RAB2A: variants seen among roughly 807,000 people sequenced by gnomAD.
The protein encoded by RAB2A is RAB2A, member RAS oncogene family, also known as ras-related protein Rab-2A.
RAB2A carries 7 observed loss-of-function variants against 32.5 expected under a neutral mutation model. The observed-to-expected ratio is 0.22, with a 90% CI of 0.12 to 0.40. The LOEUF is 0.40. Ranked by LOEUF, RAB2A falls within the 10% of genes least tolerant of loss-of-function variation. The pLI is 1.00. For missense variants in RAB2A, 108 were observed against 260.7 expected (o/e 0.41, Z 4.03); for synonymous variants, 79 against 85.2 (o/e 0.93, Z 0.40).
At chr8:60,618,692 C>T in intron 7 of RAB2A, 44 bp downstream of exon 7, 2 of 770,894 alleles carry the variant, frequency 2.6e-6, no homozygotes, top group Non-Finnish European at 3.6e-6. Flanking sequence ...ATTTAGAGTT[C>T]ACTTTTGATT....
chr8:60,569,771 T>A (rs1022149736), intron 2 of RAB2A, among the ~76,000 whole-genome samples: 6 of 152,178 alleles, frequency 3.9e-5, no homozygotes, highest in Non-Finnish European at 8.8e-5. Flanking sequence ...TCTCAGCCTC[T>A]CGAATTGTGG....
At chr8:60,614,166 C>T (rs191894435) in intron 6 of RAB2A, among the ~76,000 whole-genome samples, 11 of 151,808 alleles carry the variant, frequency 7.2e-5, no homozygotes, top group African/African-American at 2.4e-4. Context: ...CCTGCATTCT[C>T]TCCAGTCTAT....
chr8:60,583,552 G>A (rs1223504306), intron 3 of RAB2A, among the ~76,000 whole-genome samples: 1 of 152,190 alleles, frequency 6.6e-6, no homozygotes, highest in Admixed American at 6.5e-5. Context: ...AATTGATTAA[G>A]TGTGGAGAAA....
In RAB2A at chr8:60,530,134, AT is replaced by A. The variant is rs755680882; in HGVS notation, c.46+12890del. Among the ~76,000 whole-genome samples, 9 of 124,358 alleles carry A rather than the reference AT, an allele frequency of 7.2e-5. No individual in the cohort carries two copies. In the South Asian group the frequency reaches 7.5e-4, roughly 10 times the overall value. 81.6% of individuals were successfully genotyped at this position (124,358 alleles called of 152,430 possible). A position where few individuals can be genotyped will look rare whatever the true frequency, so the allele number is the denominator to read the frequency against. ...AGGCACATGCCACCACACCTGGCTA[AT>A]TTTTTTTTCTTTTTTTTTTTTTTTT... On this transcript the variant is annotated intron_variant, in intron 1 of 7. Transcript: ENST00000262646.
At chr8:60,600,792 A>G (rs1251048721) in intron 6 of RAB2A, among the ~76,000 whole-genome samples, 1 of 152,248 alleles carries the variant, frequency 6.6e-6, no homozygotes, top group African/African-American at 2.4e-5. Context: ...GGAGAGAACT[A>G]TGCTTAGTGA....
chr8:60,613,636 T>A (rs1441134262), intron 6 of RAB2A, among the ~76,000 whole-genome samples: 1 of 152,174 alleles, frequency 6.6e-6, no homozygotes, highest in Non-Finnish European at 1.5e-5. Flanking sequence ...CCCTCAGTAA[T>A]TCTGTTCATT....
intron 3 of RAB2A, among the ~76,000 whole-genome samples, chr8:60,582,351 C>T (rs1803774948): frequency 6.6e-6 from 1 of 152,110 alleles, no homozygotes; most frequent in Non-Finnish European, 1.5e-5. Flanking sequence ...GCCAAAATTG[C>T]CTACCCAAGA....
chr8:60,524,454 T>A (rs1807348476), intron 1 of RAB2A, among the ~76,000 whole-genome samples: 1 of 152,242 alleles, frequency 6.6e-6, no homozygotes, highest in Non-Finnish European at 1.5e-5. Flanking sequence ...TGCAGACCTC[T>A]CTTGTCCCTC....
chr8:60,543,721 G>A (rs940061617), intron 1 of RAB2A, among the ~76,000 whole-genome samples: 42 of 152,064 alleles, frequency 2.8e-4, no homozygotes, highest in Admixed American at 1.3e-4. Context: ...AATGTACGGC[G>A]AACCAACAGC....
chr8:60,560,493 A>G (rs769775430), intron 2 of RAB2A, among the ~76,000 whole-genome samples: 5 of 152,226 alleles, frequency 3.3e-5, no homozygotes, highest in East Asian at 3.8e-4. Context: ...GACAACTGGC[A>G]AAACAGTTGT....
intron 3 of RAB2A, 182 bp from the exon 4 acceptor site, chr8:60,584,026 A>T: frequency 1.9e-6 from 1 of 525,024 alleles, no homozygotes; most frequent in South Asian, 2.1e-5. Context: ...CGTCTCGTTG[A>T]CTTGAGCAAT....
rs373226742 is a variant in RAB2A, at chr8:60,517,216, C to T, written c.9C>T (p.Tyr3=). ...ACTGAGCGGCCGCGGCCATGGCGTA[C>T]GCCTATCTCTTCAAGTACATCATAA... MA[Y]AYLFKYIIIG... is the part of the protein sequence containing the mutation. The change falls in exon 1 of 8, where the codon TAC becomes TAT. Residue 3 remains tyrosine (Y), a synonymous_variant. Transcript: ENST00000262646. 4.2e-5 allele frequency: 63 copies of T among 1,490,268 alleles called. No homozygotes were observed. The highest frequency in any genetic ancestry group is 5.3e-5 in the Non-Finnish European group (59 of 1,119,006). The allele number at this position is 1,490,268 out of a possible 1,614,324, so 92.3% of individuals were successfully genotyped here.
intron 3 of RAB2A, among the ~76,000 whole-genome samples, chr8:60,579,682 C>T (rs1039257801): frequency 6.6e-6 from 1 of 151,694 alleles, no homozygotes; most frequent in Non-Finnish European, 1.5e-5. Flanking sequence ...GGCTGGAGTG[C>T]GGTGGCGCAG....
At chr8:60,542,149 G>T (rs940966543) in intron 1 of RAB2A, among the ~76,000 whole-genome samples, 2 of 152,132 alleles carry the variant, frequency 1.3e-5, no homozygotes, top group African/African-American at 2.4e-5. Context: ...CTTCCTAGAG[G>T]ATATGACACT....
At chr8:60,604,588 T>C (rs1193112611) in intron 6 of RAB2A, among the ~76,000 whole-genome samples, 1 of 152,156 alleles carries the variant, frequency 6.6e-6, no homozygotes, top group Admixed American at 6.5e-5. Context: ...TAGAAAATTA[T>C]TGGGGACTGG....
intron 6 of RAB2A, among the ~76,000 whole-genome samples, chr8:60,608,413 C>A (rs1349666459): frequency 6.6e-6 from 1 of 151,910 alleles, no homozygotes; most frequent in Non-Finnish European, 1.5e-5. Context: ...CTCCATGACA[C>A]CGTTTTCTTT....
rs1405581179 is a variant in RAB2A at position 60,605,341 on chromosome 8, AGCACCTCTTCTAGG to A, written c.475-13235_475-13222del. 3.9e-5 allele frequency among the ~76,000 whole-genome samples: 6 copies of A among 152,346 alleles called. No homozygotes were observed. The East Asian group carries it at 1.2e-3, about 29-fold the overall frequency. On this transcript the variant is annotated intron_variant, in intron 6 of 7. Transcript: ENST00000262646. ...TACTGCAGGGGTGGAGCCCTCACAG[AGCACCTCTTCTAGG>A]GCAGTGCAGAGGGAAAATGTAGGCT...
chr8:60,570,644 T>G (rs1414425000), intron 2 of RAB2A, among the ~76,000 whole-genome samples: 1 of 152,220 alleles, frequency 6.6e-6, no homozygotes, highest in East Asian at 1.9e-4. Context: ...ATTTTTCATT[T>G]TTCAGTCTGA....
At chr8:60,543,119 G>GT (rs1414674985) in intron 1 of RAB2A, among the ~76,000 whole-genome samples, 2 of 152,158 alleles carry the variant, frequency 1.3e-5, no homozygotes, top group Non-Finnish European at 2.9e-5. Context: ...AACTAACAAC[G>GT]TAAGAGTCTT....
Sources: allele counts gnomAD v4.1 joint callset (sites outside exome capture counted in the v4.1 genomes callset), GRCh38; gene constraint gnomAD v4.1.1; transcripts MANE v1.5; gene names NCBI Gene and HGNC (gene_info 2026-07-23, HGNC 2026-07-21).